The following XCR1 variants were observed in gnomAD, a reference collection of about 807,000 sequenced individuals.
XCR1 encodes chemokine XC receptor 1.
For missense variants in XCR1, 356 were observed against 424.2 expected (o/e 0.84, Z 1.41); for synonymous variants, 187 against 188.5 (o/e 0.99, Z 0.06).
intron 5 of XCR1, among the ~76,000 whole-genome samples, chr3:46,041,559 C>T (rs1312303579): frequency 6.6e-6 from 1 of 152,132 alleles, no homozygotes; most frequent in African/African-American, 2.4e-5. Flanking sequence ...ATGAAGCAGC[C>T]AGAAAGATCA....
chr3:46,046,525 A>T (rs912650542), intron 5 of XCR1, among the ~76,000 whole-genome samples: 1 of 152,234 alleles, frequency 6.6e-6, no homozygotes, highest in Non-Finnish European at 1.5e-5. Flanking sequence ...GTTTGATCAT[A>T]TAGCCTCCAG....
rs746553649 is a variant in XCR1 at position 46,021,213 on chromosome 3, C to G, written c.735G>C (p.Leu245=). Residue 245 remains leucine (L), a synonymous_variant, in exon 2 of 2, where the codon CTG becomes CTC. Coordinates refer to ENST00000309285, the MANE Select transcript of XCR1 (RefSeq NM_001024644.2). The surrounding 1 kb of genome is among the most constrained non-coding windows in gnomAD (Gnocchi z 4.7). ...FLSWGPYNFT[L]FLQTLFRTQI... ...GGGTCCGAAACAGCGTCTGCAGAAA[C>G]AGGGTGAAGTTGTAGGGACCCCAGC... 6.2e-7 allele frequency: 1 copy of G among 1,614,212 alleles called. No individual in the cohort carries two copies. The highest frequency in any genetic ancestry group is 1.1e-5 in the South Asian group (1 of 91,082).
At position 46,019,798 on chromosome 3, in the gene XCR1, G is replaced by T. The variant is rs1480783185; in HGVS notation, c.*1148C>A. 1 of 152,318 alleles carries T rather than the reference G, an allele frequency of 6.6e-6. No homozygotes were observed. The highest frequency in any genetic ancestry group is 1.5e-5 in the Non-Finnish European group (1 of 68,106). 9.4% of individuals were successfully genotyped at this position (152,318 alleles called of 1,614,324 possible). ...GCCACTAAGGGTTTTGAAGCACCTGGTGTAAGGGCAGAGAACAGCCTGGTG... is the reference window on the plus strand; with the variant it reads ...GCCACTAAGGGTTTTGAAGCACCTGTTGTAAGGGCAGAGAACAGCCTGGTG... On this transcript the variant is annotated 3_prime_UTR_variant, in exon 2 of 2. Transcript: ENST00000309285.
Position 46,048,020 on chromosome 3 carries a change from C to T in XCR1, c.-32+5900G>A, listed in dbSNP as rs546498902. ...ACCAGTTACGTTAATAGAACCAAGA[C>T]TTAATAAGTACATGATTTTACCATA... On this transcript the variant is annotated intron_variant, in intron 5 of 5. Coordinates refer to the XCR1 transcript ENST00000683768. Among the ~76,000 whole-genome samples, 8 of 152,294 alleles carry T rather than the reference C, an allele frequency of 5.3e-5. No homozygotes were observed. The South Asian group carries it at 1.7e-3, about 32-fold the overall frequency.
At chr3:46,040,683 C>CTG (rs71095070) in intron 5 of XCR1, among the ~76,000 whole-genome samples, 33,630 of 151,896 alleles carry the variant, frequency 0.22, 5,098 homozygotes, top group African/African-American at 0.42. Flanking sequence ...TTGGCTATGG[C>CTG]TCCTAAGACT....
intron 1 of XCR1, among the ~76,000 whole-genome samples, chr3:46,085,196 T>C (rs2125905523): frequency 6.8e-6 from 1 of 146,894 alleles, no homozygotes; most frequent in East Asian, 2.0e-4. Context: ...GCTCTAAGCA[T>C]TTGACATATA....
intron 3 of XCR1, among the ~76,000 whole-genome samples, chr3:46,072,903 G>A (rs1473554130): frequency 1.3e-5 from 2 of 152,144 alleles, no homozygotes; most frequent in East Asian, 1.9e-4. Context: ...AAACAGCATG[G>A]TACTAGTATA....
chr3:46,031,966 A>T (rs903592952), upstream of XCR1, among the ~76,000 whole-genome samples: 11 of 152,054 alleles, frequency 7.2e-5, no homozygotes, highest in African/African-American at 2.2e-4. Context: ...GGAGCTGAAC[A>T]CTCATTGGGA....
At chr3:46,068,509 T>C (rs1334683873) in intron 3 of XCR1, among the ~76,000 whole-genome samples, 1 of 152,168 alleles carries the variant, frequency 6.6e-6, no homozygotes, top group Non-Finnish European at 1.5e-5. Flanking sequence ...AGAGCAGTGA[T>C]GGTGGGAAGT....
Position 46,019,658 on chromosome 3 carries a change from G to A in XCR1, c.*1288C>T, listed in dbSNP as rs1228208021. On this transcript the variant is annotated 3_prime_UTR_variant, in exon 2 of 2. Transcript: ENST00000309285. ...GTGTTTTGGGGTTGGATCCCAAGCT[G>A]CTGTGGGGAGGAGGCTTAGAGTGGA... 6.6e-6 allele frequency: 1 copy of A among 152,546 alleles called. No individual in the cohort carries two copies. The highest frequency in any genetic ancestry group is 1.9e-4 in the East Asian group (1 of 5,204). The allele number at this position is 152,546 out of a possible 1,614,324, so 9.4% of individuals were successfully genotyped here.
chr3:46,060,597 C>T (rs1313168919), intron 4 of XCR1, among the ~76,000 whole-genome samples: 1 of 152,132 alleles, frequency 6.6e-6, no homozygotes, highest in Non-Finnish European at 1.5e-5. Flanking sequence ...GGAAGCATTC[C>T]TCCCTTTGTA....
At chr3:46,031,736 C>G (rs577616627), upstream of XCR1, among the ~76,000 whole-genome samples, 1 of 152,318 alleles carries the variant, frequency 6.6e-6, no homozygotes, top group South Asian at 2.1e-4. Flanking sequence ...CTTGTTCTGG[C>G]CCATGGCCAC....
chr3:46,024,103 C>T (rs1412583949), intron 1 of XCR1: 2 of 782,802 alleles, frequency 2.6e-6, no homozygotes, highest in Non-Finnish European at 4.5e-6. Flanking sequence ...ATCTCCAGAA[C>T]TTCCCCTTAT....
rs7625949 is a variant in XCR1, at chr3:46,077,369, C to T, written c.-514-443G>A. Among the ~76,000 whole-genome samples, 959 of 151,954 alleles carry T rather than the reference C, an allele frequency of 6.3e-3. 8 individuals are homozygous for T. The highest frequency in any genetic ancestry group is 0.018 in the African/African-American group (726 of 41,410). The stretch of plus-strand genomic sequence containing the variant: ...GCATGCGAGGGACCTAGGTTGCATG[C>T]TCCTTACGAAAATCTAATTCCTAAT... On this transcript the variant is annotated intron_variant, in intron 1 of 5. Transcript: ENST00000683768.
At chr3:46,085,262 C>T (rs72889763) in intron 1 of XCR1, among the ~76,000 whole-genome samples, 4,479 of 150,610 alleles carry the variant, frequency 0.03, 233 homozygotes, top group African/African-American at 0.1. Flanking sequence ...CATCACACCG[C>T]GAACACAAGA....
chr3:46,035,400 T>C (rs1349799429), intron 5 of XCR1, among the ~76,000 whole-genome samples: 1 of 152,240 alleles, frequency 6.6e-6, no homozygotes, highest in African/African-American at 2.4e-5. Context: ...TTGGCAATAA[T>C]TGTCTCAGTC....
At chr3:46,074,557 C>T (rs544454907) in intron 3 of XCR1, among the ~76,000 whole-genome samples, 10 of 151,924 alleles carry the variant, frequency 6.6e-5, no homozygotes, top group African/African-American at 1.9e-4. Flanking sequence ...GAAGCCAAGA[C>T]GTCATCATTA....
chr3:46,035,813 A>G (rs1252471126), intron 5 of XCR1, among the ~76,000 whole-genome samples: 2 of 152,166 alleles, frequency 1.3e-5, no homozygotes, highest in Non-Finnish European at 2.9e-5. Context: ...CTGTTTCACT[A>G]CGGACACTCT....
intron 4 of XCR1, among the ~76,000 whole-genome samples, chr3:46,060,281 C>G (rs1239071821): frequency 6.6e-6 from 1 of 152,194 alleles, no homozygotes; most frequent in Non-Finnish European, 1.5e-5. Flanking sequence ...TGACCCCAAT[C>G]TTCATTTCTG....
Sources: allele counts gnomAD v4.1 joint callset (sites outside exome capture counted in the v4.1 genomes callset), GRCh38; gene constraint gnomAD v4.1.1; non-coding constraint Gnocchi (gnomAD v3.1); transcripts MANE v1.5; gene names NCBI Gene and HGNC (gene_info 2026-07-23, HGNC 2026-07-21).